SYT9: variants seen among roughly 807,000 people sequenced by gnomAD.
The protein encoded by SYT9 is synaptotagmin-9.
A neutral mutation model predicts 48.4 loss-of-function variants in SYT9; 22 were observed. The ratio of observed to expected loss-of-function variants is 0.45; its 90% CI spans 0.32 to 0.65. SYT9 has a LOEUF of 0.65. Among genes scored for constraint, SYT9 ranks in the 30% least tolerant of loss-of-function variants. SYT9 has a pLI of 0.03. For missense variants in SYT9, 577 were observed against 622.0 expected, an observed-to-expected ratio of 0.93 and a Z score of 0.77; for synonymous variants, 265 against 245.0, an observed-to-expected ratio of 1.08 and a Z score of -0.76.
chr11:7,460,332 AT>A (rs1848214971), intron 6 of SYT9, among the ~76,000 whole-genome samples: 1 of 152,200 alleles, frequency 6.6e-6, no homozygotes, highest in Non-Finnish European at 1.5e-5. Context: ...TCTCTTAAAT[AT>A]TTTTAAATGA....
chr11:7,446,350 C>A (rs188472574), intron 6 of SYT9, among the ~76,000 whole-genome samples: 7 of 152,158 alleles, frequency 4.6e-5, no homozygotes, highest in African/African-American at 9.7e-5. Flanking sequence ...TGCCTAGTAC[C>A]TAATGTGTGC....
chr11:7,348,719 T>G (rs4526758), intron 3 of SYT9, among the ~76,000 whole-genome samples: 1 of 133,834 alleles, frequency 7.5e-6, no homozygotes, highest in Admixed American at 7.5e-5. Flanking sequence ...TTTTTTTTTG[T>G]ATTTTCAAAG....
At chr11:7,284,313 G>A (rs1477901033) in intron 1 of SYT9, among the ~76,000 whole-genome samples, 1 of 152,112 alleles carries the variant, frequency 6.6e-6, no homozygotes, top group Admixed American at 6.5e-5. Flanking sequence ...GCCACTTGAA[G>A]GTTAGGTACA....
chr11:7,338,426 T>A (rs1849663509), intron 3 of SYT9, among the ~76,000 whole-genome samples: 1 of 152,220 alleles, frequency 6.6e-6, no homozygotes, highest in Non-Finnish European at 1.5e-5. Context: ...TATAGTTCTT[T>A]TAGTTGTGAT....
At chr11:7,290,280 A>G (rs536549951) in intron 1 of SYT9, among the ~76,000 whole-genome samples, 2 of 152,212 alleles carry the variant, frequency 1.3e-5, no homozygotes, top group Admixed American at 6.5e-5. Flanking sequence ...AAGCAAGACT[A>G]TTTGGAACTA....
At chr11:7,361,319 T>A (rs1486252877) in intron 3 of SYT9, among the ~76,000 whole-genome samples, 1 of 152,180 alleles carries the variant, frequency 6.6e-6, no homozygotes, top group Non-Finnish European at 1.5e-5. Context: ...TAAAAGTGTG[T>A]TTTTGAACTT....
At chr11:7,399,393 C>T (rs1846833722) in intron 3 of SYT9, among the ~76,000 whole-genome samples, 1 of 152,118 alleles carries the variant, frequency 6.6e-6, no homozygotes, top group South Asian at 2.1e-4. Context: ...GAACACATGC[C>T]ACTTAATGGT....
intron 3 of SYT9, among the ~76,000 whole-genome samples, chr11:7,402,443 C>T (rs575997926): frequency 6.6e-6 from 1 of 152,166 alleles, no homozygotes; most frequent in African/African-American, 2.4e-5. Flanking sequence ...AAATCTCTAA[C>T]TCTACTTGTG....
chr11:7,239,786 A>G (rs140181579), intron 1 of SYT9, among the ~76,000 whole-genome samples: 1 of 152,202 alleles, frequency 6.6e-6, no homozygotes, highest in Non-Finnish European at 1.5e-5. Flanking sequence ...GGAAAAAACA[A>G]GACAGAAGGA....
At chr11:7,430,722 G>A (rs1847554083) in intron 6 of SYT9, among the ~76,000 whole-genome samples, 1 of 152,132 alleles carries the variant, frequency 6.6e-6, no homozygotes, top group Non-Finnish European at 1.5e-5. Context: ...TTAAAAGTGT[G>A]TGGCACCTTC....
intron 3 of SYT9, among the ~76,000 whole-genome samples, chr11:7,397,305 G>T (rs1846774038): frequency 6.6e-6 from 1 of 152,092 alleles, no homozygotes; most frequent in Non-Finnish European, 1.5e-5. Context: ...GAAAAATCAT[G>T]AACATTTAAT....
At chr11:7,359,565 T>G (rs1850090359) in intron 3 of SYT9, among the ~76,000 whole-genome samples, 1 of 108,272 alleles carries the variant, frequency 9.2e-6, no homozygotes, top group African/African-American at 3.1e-5. Flanking sequence ...AGATGGTATC[T>G]CATAGTGGTT....
At chr11:7,374,104 A>G (rs1268481764) in intron 3 of SYT9, among the ~76,000 whole-genome samples, 1 of 151,856 alleles carries the variant, frequency 6.6e-6, no homozygotes, top group African/African-American at 2.4e-5. Flanking sequence ...CTGGTGTGTG[A>G]TGTTCCCCTC....
At chr11:7,335,589 A>G (rs1480032241) in intron 3 of SYT9, among the ~76,000 whole-genome samples, 1 of 152,046 alleles carries the variant, frequency 6.6e-6, no homozygotes, top group Non-Finnish European at 1.5e-5. Context: ...TTCCTGTGTT[A>G]GTTTGCAAAG....
At chr11:7,263,142 C>T (rs1018574597) in intron 1 of SYT9, among the ~76,000 whole-genome samples, 4 of 152,182 alleles carry the variant, frequency 2.6e-5, no homozygotes, top group African/African-American at 9.7e-5. Flanking sequence ...GATGAGCTTA[C>T]TGTCTTAGTC....
intron 1 of SYT9, among the ~76,000 whole-genome samples, chr11:7,290,432 C>G (rs373893984): frequency 6.6e-6 from 1 of 152,130 alleles, no homozygotes; most frequent in Non-Finnish European, 1.5e-5. Flanking sequence ...TGATGCTTGT[C>G]CCAGAACCAA....
At chr11:7,401,386 T>C (rs1846890646) in intron 3 of SYT9, among the ~76,000 whole-genome samples, 1 of 151,376 alleles carries the variant, frequency 6.6e-6, no homozygotes, top group South Asian at 2.1e-4. Context: ...ATACCTGAAA[T>C]CTGAAGCACT....
intron 3 of SYT9, among the ~76,000 whole-genome samples, chr11:7,370,807 A>G (rs2035638): frequency 0.69 from 105,104 of 152,024 alleles, 36,610 homozygotes; most frequent in East Asian, 0.87. Flanking sequence ...TACAATAAGC[A>G]TGTTGACTAT....
chr11:7,431,431 G>C (rs1024256138), intron 6 of SYT9, among the ~76,000 whole-genome samples: 1 of 152,220 alleles, frequency 6.6e-6, no homozygotes, highest in African/African-American at 2.4e-5. Context: ...AAAATTTGCA[G>C]CCTACCGTGT....
Sources: allele counts gnomAD v4.1 joint callset (sites outside exome capture counted in the v4.1 genomes callset), GRCh38; gene constraint gnomAD v4.1.1; transcripts MANE v1.5; gene names NCBI Gene and HGNC (gene_info 2026-07-23, HGNC 2026-07-21).